Variants in DNAAF11 observed in about 807,000 individuals in gnomAD.
The protein encoded by DNAAF11 is leucine rich repeat containing 6.
Under a neutral mutation model 60.8 loss-of-function variants are expected in DNAAF11, and 45 were observed. The ratio of observed to expected loss-of-function variants is 0.74; its 90% CI spans 0.58 to 0.95. DNAAF11 has a LOEUF of 0.95. DNAAF11 is among the 40% of genes least tolerant of loss of function. The pLI is 0.00. For synonymous variants in DNAAF11, 191 were observed against 183.5 expected (o/e 1.04, Z -0.33); for missense variants, 546 against 546.2 (o/e 1.00, Z 0.00).
chr8:132,679,223 T>A (rs1825830545), upstream of DNAAF11, among the ~76,000 whole-genome samples: 1 of 152,190 alleles, frequency 6.6e-6, no homozygotes, highest in East Asian at 1.9e-4. Flanking sequence ...AGAGAGGGAA[T>A]TTTGTTATTG....
At chr8:132,623,209 A>G (rs1819928470) in intron 6 of DNAAF11, among the ~76,000 whole-genome samples, 2 of 152,324 alleles carry the variant, frequency 1.3e-5, no homozygotes, top group South Asian at 2.1e-4. Flanking sequence ...GTGAATGTCC[A>G]TCAGTGGAAA....
chr8:132,687,327 C>T, the DNAAF11 span: 1 of 190,062 alleles, frequency 5.3e-6, no homozygotes, highest in Non-Finnish European at 1.1e-5. Flanking sequence ...CCACTTTGTG[C>T]CAGGCACTCT....
Position 132,625,370 on chromosome 8 carries a change from G to C in DNAAF11, c.738C>G (p.Asp246Glu). 2 of 1,613,410 alleles carry C rather than the reference G, an allele frequency of 1.2e-6. No homozygotes were observed. The highest frequency in any genetic ancestry group is 1.7e-6 in the Non-Finnish European group (2 of 1,179,600). Residue 246 changes from aspartate (D) to glutamate (E), a missense_variant, in exon 6 of 12, where the codon GAC (aspartate) becomes GAG (glutamate). Transcript: ENST00000620350. The part of the protein sequence containing the change: ...NTKKLDNSED[D>E]LEFWNKPCLF... ...AACAGGGCTTATTCCAGAATTCCAA[G>C]TCATCTTCACTGTTGTCTAATTTCT... is the stretch of plus-strand genomic sequence containing the variant.
chr8:132,576,647 T>C (rs1027723336), intron 11 of DNAAF11, among the ~76,000 whole-genome samples: 1 of 152,168 alleles, frequency 6.6e-6, no homozygotes, highest in African/African-American at 2.4e-5. Flanking sequence ...ACTGACATAA[T>C]GCTCAAAGGA....
chr8:132,607,648 G>A (rs1195079296), intron 10 of DNAAF11, among the ~76,000 whole-genome samples: 1 of 152,104 alleles, frequency 6.6e-6, no homozygotes, highest in South Asian at 2.1e-4. Context: ...CTCTATCTCT[G>A]TATATTTGAA....
rs1478653399 is a variant in DNAAF11 at position 132,674,124 on chromosome 8, G to C, written c.10+1360C>G. On this transcript the variant is annotated intron_variant, in intron 1 of 11. Coordinates refer to ENST00000620350, the MANE Select transcript of DNAAF11 (RefSeq NM_012472.6). Reference sequence around the variant, plus strand: ...GGAGGAGGAGGAGCAGGAGGAGGAGGAGGAGGAGGAGAAGGAGGAGGAAGA... The same window carrying C: ...GGAGGAGGAGGAGCAGGAGGAGGAGCAGGAGGAGGAGAAGGAGGAGGAAGA... Among the ~76,000 whole-genome samples the C allele has an allele frequency of 3.6e-5, 5 of 139,808 alleles. No homozygotes were observed. In the East Asian group the frequency reaches 8.9e-4, roughly 25 times the overall value. 91.7% of individuals were successfully genotyped at this position (139,808 alleles called of 152,430 possible).
At chr8:132,631,700 C>T (rs890939941) in intron 5 of DNAAF11, among the ~76,000 whole-genome samples, 4 of 152,062 alleles carry the variant, frequency 2.6e-5, no homozygotes, top group African/African-American at 9.7e-5. Flanking sequence ...AGTGTCTGCT[C>T]TCTTAATGAT....
chr8:132,672,164 T>C (rs1035422979), intron 1 of DNAAF11, among the ~76,000 whole-genome samples: 2 of 152,148 alleles, frequency 1.3e-5, no homozygotes, highest in African/African-American at 2.4e-5. Flanking sequence ...CAAATCAATG[T>C]ATAAAATGGG....
At chr8:132,579,769 C>T (rs1184898749) in intron 11 of DNAAF11, among the ~76,000 whole-genome samples, 1 of 152,046 alleles carries the variant, frequency 6.6e-6, no homozygotes, top group Admixed American at 6.6e-5. Flanking sequence ...CTGCAGCGGG[C>T]GGATCACTTG....
intron 11 of DNAAF11, among the ~76,000 whole-genome samples, chr8:132,573,856 A>ACCT (rs1715487079): frequency 1.3e-5 from 2 of 152,218 alleles, no homozygotes; most frequent in Admixed American, 1.3e-4. Flanking sequence ...TGAATAAAAA[A>ACCT]TACAAAATAT....
rs144115005 is a variant in DNAAF11, at chr8:132,650,919, T to C, written c.256+5911A>G. 2.9e-3 allele frequency among the ~76,000 whole-genome samples: 438 copies of C among 152,356 alleles called. 1 individual carries two copies. The highest frequency in any genetic ancestry group is 0.01 in the African/African-American group (422 of 41,580). The stretch of plus-strand genomic sequence containing the variant: ...AAAAACCCTCCAAATGTTCATTATA[T>C]TTTTCAAAGTGTCAAATCTTAATGT... On this transcript the variant is annotated intron_variant, in intron 3 of 11. Coordinates refer to ENST00000620350, the MANE Select transcript of DNAAF11 (RefSeq NM_012472.6).
At chr8:132,664,890 T>A (rs147547215) in intron 1 of DNAAF11, among the ~76,000 whole-genome samples, 2 of 152,140 alleles carry the variant, frequency 1.3e-5, no homozygotes, top group Admixed American at 1.3e-4. Flanking sequence ...CTTCTAACCA[T>A]GAGAATTAAG....
chr8:132,689,695 A>ACG, the DNAAF11 span, among the ~76,000 whole-genome samples: 2 of 136,458 alleles, frequency 1.5e-5, no homozygotes, highest in Non-Finnish European at 3.0e-5. Flanking sequence ...GTGTGTATGT[A>ACG]CGTGTGTGTG....
At chr8:132,582,994 C>A (rs555915458) in intron 11 of DNAAF11, among the ~76,000 whole-genome samples, 1 of 152,088 alleles carries the variant, frequency 6.6e-6, no homozygotes, top group Non-Finnish European at 1.5e-5. Context: ...TTGGTTCTGA[C>A]GGTCTCCAGG....
upstream of DNAAF11, among the ~76,000 whole-genome samples, chr8:132,676,167 C>T (rs1032228907): frequency 6.6e-6 from 1 of 152,114 alleles, no homozygotes; most frequent in African/African-American, 2.4e-5. Context: ...ACCCATTACC[C>T]CCTCCATCAA....
Position 132,570,802 on chromosome 8 carries a change from C to A in DNAAF11, c.*1504G>T, listed in dbSNP as rs1814111585. On this transcript the variant is annotated 3_prime_UTR_variant, in exon 12 of 12. Transcript: ENST00000620350. The stretch of plus-strand genomic sequence containing the variant: ...GAAGGCTGGCTCCAAGCCCACCCAC[C>A]AGGATCTTGGCCACGGACCAGAAGG... Among the ~76,000 whole-genome samples, 1 of 152,206 alleles carries A rather than the reference C, an allele frequency of 6.6e-6. No individual in the cohort carries two copies. The highest frequency in any genetic ancestry group is 1.5e-5 in the Non-Finnish European group (1 of 68,042).
At chr8:132,661,178 A>G (rs1189928702) in intron 2 of DNAAF11, among the ~76,000 whole-genome samples, 1 of 152,188 alleles carries the variant, frequency 6.6e-6, no homozygotes, top group African/African-American at 2.4e-5. Flanking sequence ...CTTAAAAAAA[A>G]AAAATCAGGT....
chr8:132,621,537 T>C (rs150528351), intron 7 of DNAAF11, among the ~76,000 whole-genome samples: 4 of 152,202 alleles, frequency 2.6e-5, no homozygotes, highest in African/African-American at 9.6e-5. Context: ...GTGGTGGTCT[T>C]ACCAGAGACA....
At chr8:132,665,520 G>T (rs1407537587) in intron 1 of DNAAF11, among the ~76,000 whole-genome samples, 1 of 151,880 alleles carries the variant, frequency 6.6e-6, no homozygotes, top group African/African-American at 2.4e-5. Flanking sequence ...AGTCATCAGA[G>T]AAATGCAAAT....
Sources: gnomAD v4.1 joint callset for allele counts (sites outside exome capture counted in the v4.1 genomes callset) on GRCh38, gnomAD v4.1.1 for gene constraint, MANE v1.5 for transcripts, NCBI Gene and HGNC (gene_info 2026-07-23, HGNC 2026-07-21) for gene names.